Variants in ACAP2 observed in about 807,000 individuals in gnomAD.
ACAP2 encodes ArfGAP with coiled-coil, ankyrin repeat and PH domains 2.
Under a neutral mutation model 115.8 loss-of-function variants are expected in ACAP2, and 39 were observed. That is an observed-to-expected ratio of 0.34 (90% CI 0.26 to 0.44). The LOEUF is 0.44. Ranked by LOEUF, ACAP2 falls within the 20% of genes least tolerant of loss-of-function variation. The pLI, the probability that ACAP2 is intolerant of heterozygous loss-of-function variation, is 1.00. For missense variants in ACAP2, 662 were observed against 927.6 expected, an observed-to-expected ratio of 0.71 and a Z score of 3.72; for synonymous variants, 289 against 315.8, an observed-to-expected ratio of 0.92 and a Z score of 0.90.
chr3:195,295,280 C>T (rs752231463), intron 17 of ACAP2: 10 of 1,291,772 alleles, frequency 7.7e-6, no homozygotes, highest in South Asian at 2.5e-5. Flanking sequence ...CGCCTGGCCT[C>T]GTCGCTATTT....
intron 1 of ACAP2, among the ~76,000 whole-genome samples, chr3:195,426,325 T>C (rs1001555440): frequency 3.9e-5 from 6 of 152,110 alleles, no homozygotes; most frequent in African/African-American, 1.4e-4. Flanking sequence ...CAGGCAAACA[T>C]CCTGGGTTTC....
At chr3:195,294,873 C>G in intron 17 of ACAP2, 62 bp from the exon 18 acceptor site, 2 of 1,092,964 alleles carry the variant, frequency 1.8e-6, no homozygotes, top group Non-Finnish European at 2.7e-6. Context: ...CAATCTCCCA[C>G]AAACAAGGTT....
chr3:195,349,283 A>G (rs909135956), intron 4 of ACAP2, among the ~76,000 whole-genome samples: 1 of 152,132 alleles, frequency 6.6e-6, no homozygotes, highest in African/African-American at 2.4e-5. Context: ...GGAGTTTGAG[A>G]CCAGCCTGAC....
intron 2 of ACAP2, among the ~76,000 whole-genome samples, chr3:195,387,126 G>A (rs1734359186): frequency 6.6e-6 from 1 of 151,772 alleles, no homozygotes; most frequent in Non-Finnish European, 1.5e-5. Flanking sequence ...AGGGAGGGAG[G>A]CAGAAAGAGA....
intron 12 of ACAP2, chr3:195,306,997 C>T (rs1228005702): frequency 2.5e-6 from 1 of 406,222 alleles, no homozygotes; most frequent in Non-Finnish European, 4.3e-6. Flanking sequence ...TTCATATGAG[C>T]CCATAAATCA....
chr3:195,371,234 T>G (rs1733119175), intron 4 of ACAP2, among the ~76,000 whole-genome samples: 1 of 152,214 alleles, frequency 6.6e-6, no homozygotes, highest in Non-Finnish European at 1.5e-5. Flanking sequence ...CTGATTTCTT[T>G]GAGCAATGTT....
chr3:195,328,603 T>G (rs1729959657), intron 8 of ACAP2, among the ~76,000 whole-genome samples: 1 of 152,220 alleles, frequency 6.6e-6, no homozygotes, highest in Non-Finnish European at 1.5e-5. Context: ...TTAAGCGGAA[T>G]GAGTGGACTA....
chr3:195,413,681 G>A (rs1045408900), intron 1 of ACAP2, among the ~76,000 whole-genome samples: 19 of 152,098 alleles, frequency 1.2e-4, no homozygotes, highest in African/African-American at 4.3e-4. Context: ...CCCAGGAGGC[G>A]GAGGCTACAG....
intron 4 of ACAP2, among the ~76,000 whole-genome samples, chr3:195,360,984 C>CAAAA (rs34043043): frequency 1.0e-5 from 1 of 98,162 alleles, no homozygotes; most frequent in Non-Finnish European, 2.2e-5. Context: ...GTAAGAAACT[C>CAAAA]AAAAAAAAAA....
At chr3:195,435,522 T>C (rs1315537431) in intron 1 of ACAP2, among the ~76,000 whole-genome samples, 2 of 152,244 alleles carry the variant, frequency 1.3e-5, no homozygotes, top group African/African-American at 4.8e-5. Flanking sequence ...AGCAGTGCTT[T>C]AGCTGCATCC....
intron 4 of ACAP2, among the ~76,000 whole-genome samples, chr3:195,371,454 G>A (rs375373552): frequency 1.3e-5 from 2 of 152,100 alleles, no homozygotes; most frequent in African/African-American, 2.4e-5. Context: ...GAGTTTTGGG[G>A]CTGAGACTAT....
At chr3:195,386,624 A>AAT (rs1734321620) in intron 2 of ACAP2, among the ~76,000 whole-genome samples, 1 of 152,098 alleles carries the variant, frequency 6.6e-6, no homozygotes, top group Non-Finnish European at 1.5e-5. Context: ...GGGGAACATT[A>AAT]CACAGCGGAG....
intron 1 of ACAP2, among the ~76,000 whole-genome samples, chr3:195,407,584 A>G (rs531713069): frequency 6.6e-6 from 1 of 151,968 alleles, no homozygotes; most frequent in Non-Finnish European, 1.5e-5. Context: ...GTGCATGCCT[A>G]TAGCCCCAGC....
At chr3:195,432,959 T>C (rs6790784) in intron 1 of ACAP2, among the ~76,000 whole-genome samples, 3,615 of 152,274 alleles carry the variant, frequency 0.024, 142 homozygotes, top group African/African-American at 0.082. Context: ...TACAAATAAT[T>C]TTTGTACATT....
intron 6 of ACAP2, among the ~76,000 whole-genome samples, chr3:195,337,465 T>G (rs901866281): frequency 1.0e-3 from 157 of 150,172 alleles, no homozygotes; most frequent in Non-Finnish European, 1.8e-3. Flanking sequence ...TTTTTTTTTT[T>G]GACACAGAGT....
intron 1 of ACAP2, among the ~76,000 whole-genome samples, chr3:195,397,816 A>G (rs1340603722): frequency 6.6e-6 from 1 of 152,202 alleles, no homozygotes; most frequent in Admixed American, 6.5e-5. Context: ...AGTGTTAAAG[A>G]AAATGCACAA....
intron 16 of ACAP2, among the ~76,000 whole-genome samples, chr3:195,296,777 A>T (rs1220457498): frequency 6.6e-6 from 1 of 152,224 alleles, no homozygotes; most frequent in Non-Finnish European, 1.5e-5. Context: ...TGCCATGCAT[A>T]AACTATGTGA....
intron 2 of ACAP2, among the ~76,000 whole-genome samples, chr3:195,386,630 C>T (rs1317511382): frequency 6.6e-6 from 1 of 151,890 alleles, no homozygotes; most frequent in Admixed American, 6.6e-5. Flanking sequence ...CATTACACAG[C>T]GGAGCCTGTC....
intron 20 of ACAP2, 112 bp from the exon 21 acceptor site, chr3:195,289,343 A>C (rs1049289435): frequency 1.1e-5 from 8 of 737,518 alleles, no homozygotes; most frequent in Admixed American, 2.8e-5. Context: ...GAAATTCTTG[A>C]TTCATTCTAC....
Sources: gnomAD v4.1 joint callset for allele counts (sites outside exome capture counted in the v4.1 genomes callset) on GRCh38, gnomAD v4.1.1 for gene constraint, MANE v1.5 for transcripts, NCBI Gene and HGNC (gene_info 2026-07-23, HGNC 2026-07-21) for gene names.